The following BABAM2 variants were observed in gnomAD, a reference collection of about 807,000 sequenced individuals.
BABAM2 encodes the protein BRISC and BRCA1-A complex member 2.
BABAM2 carries 31 observed loss-of-function variants against 54.7 expected under a neutral mutation model. The observed-to-expected ratio is 0.57, with a 90% confidence interval of 0.43 to 0.77. BABAM2 has a LOEUF of 0.77. BABAM2 is among the 30% of genes least tolerant of loss of function. The pLI is 0.00. For missense variants in BABAM2, 364 were observed against 455.8 expected (o/e 0.80, Z 1.83); for synonymous variants, 167 against 162.9 (o/e 1.03, Z -0.19).
At chr2:28,258,044 G>C (rs1684116836) in intron 10 of BABAM2, among the ~76,000 whole-genome samples, 2 of 152,124 alleles carry the variant, frequency 1.3e-5, no homozygotes, top group Non-Finnish European at 2.9e-5. Flanking sequence ...TGGCATGGCA[G>C]CAGGCACTTG....
At position 27,934,957 on chromosome 2, in the gene BABAM2, C is replaced by A. The variant is rs1014846406; in HGVS notation, c.205+5049C>A. On this transcript the variant is annotated intron_variant, in intron 3 of 11. Transcript: ENST00000379624. ...AGTGCAAGGTGAAGCAGCAAGTGCTCATACAGAAGATGCAGTAAGTAATTC... is the reference window on the plus strand; with the variant it reads ...AGTGCAAGGTGAAGCAGCAAGTGCTAATACAGAAGATGCAGTAAGTAATTC... Among the ~76,000 whole-genome samples, 4 of 152,200 alleles carry A rather than the reference C, an allele frequency of 2.6e-5. No homozygotes were observed. The East Asian group carries it at 5.8e-4, about 22-fold the overall frequency.
chr2:28,059,005 G>A (rs1200118726), intron 6 of BABAM2, among the ~76,000 whole-genome samples: 1 of 152,088 alleles, frequency 6.6e-6, no homozygotes, highest in Non-Finnish European at 1.5e-5. Context: ...CCCTTATCCT[G>A]AGATACAGCA....
chr2:28,087,859 A>C (rs1269623443), intron 6 of BABAM2, among the ~76,000 whole-genome samples: 1 of 152,156 alleles, frequency 6.6e-6, no homozygotes, highest in South Asian at 2.1e-4. Context: ...CATGTTGGCC[A>C]GGCTGGTCTC....
intron 11 of BABAM2, chr2:28,310,501 T>G (rs995101228): frequency 1.5e-5 from 3 of 206,456 alleles, no homozygotes; most frequent in African/African-American, 6.8e-5. Context: ...GCTTTCTCAG[T>G]GGAAAACAGT....
At chr2:28,108,702 A>C (rs1667735328) in intron 6 of BABAM2, among the ~76,000 whole-genome samples, 2 of 152,096 alleles carry the variant, frequency 1.3e-5, no homozygotes, top group Admixed American at 1.3e-4. Flanking sequence ...ATTCTTCATA[A>C]CTCAGTGTAG....
intron 6 of BABAM2, among the ~76,000 whole-genome samples, chr2:28,048,852 G>GT (rs1415684158): frequency 6.6e-6 from 1 of 152,206 alleles, no homozygotes; most frequent in Non-Finnish European, 1.5e-5. Context: ...CGAACAGCTA[G>GT]TCATTAGATG....
chr2:28,197,536 C>A (rs1677737931), intron 7 of BABAM2, among the ~76,000 whole-genome samples: 1 of 152,118 alleles, frequency 6.6e-6, no homozygotes, highest in Admixed American at 6.5e-5. Context: ...ATGTCCTACC[C>A]TTAAACCTAA....
intron 4 of BABAM2, among the ~76,000 whole-genome samples, chr2:27,997,883 G>A (rs887049848): frequency 4.6e-5 from 7 of 152,124 alleles, no homozygotes; most frequent in African/African-American, 1.7e-4. Flanking sequence ...GGCCAGGCAT[G>A]GTGGCTCAGG....
intron 6 of BABAM2, among the ~76,000 whole-genome samples, chr2:28,102,345 C>T (rs560356702): frequency 9.1e-4 from 139 of 152,186 alleles, no homozygotes; most frequent in African/African-American, 3.3e-3. Context: ...TCCACTGAAC[C>T]GACTGCAATT....
intron 3 of BABAM2, among the ~76,000 whole-genome samples, chr2:27,940,729 T>G (rs2148380490): frequency 6.6e-6 from 1 of 152,232 alleles, no homozygotes; most frequent in East Asian, 1.9e-4. Context: ...TAACATAAAT[T>G]GAAGAATTTA....
chr2:27,985,916 C>A (rs180767675), intron 3 of BABAM2, among the ~76,000 whole-genome samples: 1 of 152,016 alleles, frequency 6.6e-6, no homozygotes, highest in Non-Finnish European at 1.5e-5. Context: ...AAGTGAATGG[C>A]GTAATTAGTC....
At chr2:27,967,609 G>A (rs1414278038) in intron 3 of BABAM2, among the ~76,000 whole-genome samples, 2 of 152,206 alleles carry the variant, frequency 1.3e-5, no homozygotes, top group African/African-American at 2.4e-5. Context: ...TGGGTAACAG[G>A]CAGAGATTGG....
intron 7 of BABAM2, among the ~76,000 whole-genome samples, chr2:28,149,252 A>G (rs1671794377): frequency 6.6e-6 from 1 of 152,186 alleles, no homozygotes; most frequent in African/African-American, 2.4e-5. Context: ...ATGGTAGTCT[A>G]CACACTGAGT....
intron 6 of BABAM2, among the ~76,000 whole-genome samples, chr2:28,084,075 C>T (rs976296095): frequency 1.3e-5 from 2 of 152,158 alleles, no homozygotes; most frequent in African/African-American, 2.4e-5. Context: ...TGACGGGTAG[C>T]GTGGCTGTCT....
At chr2:28,112,146 T>TTTCTTTCTTTCTTTCCTTCC (rs1344247281) in intron 6 of BABAM2, among the ~76,000 whole-genome samples, 140 of 10,554 alleles carry the variant, frequency 0.013, 34 homozygotes, top group South Asian at 0.018. Flanking sequence ...TCTTTCTTTC[T>TTTCTTTCTTTCTTTCCTTCC]TTACCTCCCT....
At chr2:28,062,288 G>A (rs1384847265) in intron 6 of BABAM2, among the ~76,000 whole-genome samples, 17 of 149,896 alleles carry the variant, frequency 1.1e-4, no homozygotes, top group African/African-American at 2.0e-4. Flanking sequence ...AAACCTGGCC[G>A]GGCATGGTGG....
chr2:28,265,701 C>G (rs1427330847), intron 10 of BABAM2, among the ~76,000 whole-genome samples: 1 of 152,192 alleles, frequency 6.6e-6, no homozygotes, highest in East Asian at 1.9e-4. Context: ...CTTCCCTACT[C>G]TTGGAACTAA....
intron 2 of BABAM2, among the ~76,000 whole-genome samples, chr2:27,909,278 C>T (rs930077948): frequency 2.0e-5 from 3 of 152,132 alleles, no homozygotes; most frequent in African/African-American, 7.2e-5. Flanking sequence ...CTCCTGGGCT[C>T]AAGCAGTCCT....
chr2:28,037,400 CT>C (rs921930313), intron 5 of BABAM2, among the ~76,000 whole-genome samples: 22 of 151,952 alleles, frequency 1.4e-4, no homozygotes, highest in African/African-American at 5.1e-4. Context: ...CTCCCTCATT[CT>C]TTTTTTACAA....
Sources: gnomAD v4.1 joint callset for allele counts (sites outside exome capture counted in the v4.1 genomes callset) on GRCh38, gnomAD v4.1.1 for gene constraint, MANE v1.5 for transcripts, NCBI Gene and HGNC (gene_info 2026-07-23, HGNC 2026-07-21) for gene names.